DAB2: variants seen among roughly 807,000 people sequenced by gnomAD.
The protein encoded by DAB2 is DAB adaptor protein 2.
A neutral mutation model predicts 71.6 loss-of-function variants in DAB2; 28 were observed. The ratio of observed to expected loss-of-function variants is 0.39; its 90% CI spans 0.29 to 0.54. DAB2 has a LOEUF of 0.54. Ranked by LOEUF, DAB2 falls within the 20% of genes least tolerant of loss-of-function variation. The probability of loss-of-function intolerance (pLI) is 0.68; values close to 1 mark genes in which losing one functional copy is unlikely to be tolerated. For synonymous variants in DAB2, 345 were observed against 339.7 expected (o/e 1.02, Z -0.17); for missense variants, 867 against 928.8 (o/e 0.93, Z 0.86).
intron 1 of DAB2, among the ~76,000 whole-genome samples, chr5:39,421,406 G>A (rs1006826903): frequency 2.4e-4 from 36 of 152,138 alleles, no homozygotes; most frequent in Non-Finnish European, 1.5e-5. Context: ...CCTGGGGTAG[G>A]TACTATTATT....
At chr5:39,416,093 C>T (rs745550662) in intron 1 of DAB2, among the ~76,000 whole-genome samples, 1 of 151,906 alleles carries the variant, frequency 6.6e-6, no homozygotes, top group Non-Finnish European at 1.5e-5. Context: ...CATTTTTCCT[C>T]AACCTTGCCT....
intron 1 of DAB2, among the ~76,000 whole-genome samples, chr5:39,398,087 T>C (rs1755409618): frequency 6.6e-6 from 1 of 152,218 alleles, no homozygotes; most frequent in Non-Finnish European, 1.5e-5. Flanking sequence ...TGAAGCCGGA[T>C]ATCATACTTC....
intron 9 of DAB2, among the ~76,000 whole-genome samples, chr5:39,383,889 G>T (rs1755037355): frequency 6.6e-6 from 1 of 152,136 alleles, no homozygotes; most frequent in African/African-American, 2.4e-5. Context: ...TGGGAGAGAG[G>T]CTTTTCTTTT....
At chr5:39,377,915 A>G (rs1166925767) in intron 11 of DAB2, among the ~76,000 whole-genome samples, 1 of 152,254 alleles carries the variant, frequency 6.6e-6, no homozygotes, top group African/African-American at 2.4e-5. Context: ...GGGAAGATAA[A>G]GTTTGGCCAA....
At position 39,422,995 on chromosome 5, in the gene DAB2, G is replaced by C. The variant is rs1170992374; in HGVS notation, c.-102+1809C>G. 6.6e-6 allele frequency among the ~76,000 whole-genome samples: 1 copy of C among 152,120 alleles called. No homozygotes were observed. Among genetic ancestry groups the C allele is most frequent in the Non-Finnish European group, 1.5e-5 (1 of 68,016 alleles). On this transcript the variant is annotated intron_variant, in intron 1 of 14. Transcript: ENST00000320816. This position sits in a 1 kb window ranked among gnomAD's most constrained non-coding sequence, Gnocchi z 4.1. ...TCCTCAGGTAAAGATCAACCATCAA[G>C]ATCAAAGATCCCCAGAATGGCAAAT...
Position 39,381,442 on chromosome 5 carries a change from C to T in DAB2, c.1504+12G>A, listed in dbSNP as rs769791736. On this transcript the variant is annotated intron_variant, in intron 11 of 14. Transcript: ENST00000320816. ...AAAAGAGTCATACTTAATTTTATCTCTAGGCACCTACCTAGACCCACCAGG... is the reference window on the plus strand; with the variant it reads ...AAAAGAGTCATACTTAATTTTATCTTTAGGCACCTACCTAGACCCACCAGG... The T allele has an allele frequency of 6.2e-7, 1 of 1,609,550 alleles. No homozygotes were observed. The highest frequency in any genetic ancestry group is 1.7e-5 in the Admixed American group (1 of 59,014).
At chr5:39,409,187 T>C (rs1425713830) in intron 1 of DAB2, among the ~76,000 whole-genome samples, 1 of 152,038 alleles carries the variant, frequency 6.6e-6, no homozygotes, top group Non-Finnish European at 1.5e-5. Context: ...TGAACAAAAT[T>C]GGCAGAAATG....
chr5:39,404,822 A>G (rs1282067212), intron 1 of DAB2, among the ~76,000 whole-genome samples: 2 of 151,852 alleles, frequency 1.3e-5, no homozygotes, highest in Non-Finnish European at 2.9e-5. Flanking sequence ...TAGGCAATCC[A>G]CCCGCCTCGG....
rs562827968 is a variant in DAB2, at chr5:39,394,361, T to G, written c.-41A>C. 3 of 1,449,442 alleles carry G rather than the reference T, an allele frequency of 2.1e-6. No individual in the cohort carries two copies. Among genetic ancestry groups the G allele is most frequent in the Non-Finnish European group, 2.9e-6 (3 of 1,030,270 alleles). 89.8% of individuals were successfully genotyped at this position (1,449,442 alleles called of 1,614,324 possible). The stretch of plus-strand genomic sequence containing the variant: ...AGCAAACCTCAGTACCAGTGGACAC[T>G]TGGTGACACCAGGCGATCCCGATGG... On this transcript the variant is annotated 5_prime_UTR_variant, in exon 2 of 15. Transcript: ENST00000320816.
intron 1 of DAB2, among the ~76,000 whole-genome samples, chr5:39,397,654 T>A (rs957743909): frequency 2.6e-5 from 4 of 152,150 alleles, no homozygotes; most frequent in Admixed American, 6.5e-5. Flanking sequence ...TGGACTGAAC[T>A]CCAACTGACA....
chr5:39,409,392 T>C (rs1477690254), intron 1 of DAB2, among the ~76,000 whole-genome samples: 3 of 152,218 alleles, frequency 2.0e-5, no homozygotes, highest in East Asian at 3.9e-4. Flanking sequence ...AGCATTTACA[T>C]TGAACAACAA....
intron 4 of DAB2, among the ~76,000 whole-genome samples, chr5:39,391,338 A>T (rs1755222904): frequency 1.3e-5 from 2 of 152,176 alleles, no homozygotes; most frequent in South Asian, 4.1e-4. Flanking sequence ...AATGTCTAAG[A>T]TATCTTAGAG....
intron 1 of DAB2, among the ~76,000 whole-genome samples, chr5:39,412,718 A>G (rs1388551377): frequency 2.0e-5 from 3 of 152,190 alleles, no homozygotes; most frequent in Non-Finnish European, 4.4e-5. Context: ...TGATGCTAAG[A>G]CATTATCATT....
In DAB2 at chr5:39,388,363, A is replaced by T. The variant is rs140161347; in HGVS notation, c.629T>A (p.Val210Asp). 3.6e-4 allele frequency: 579 copies of T among 1,608,882 alleles called. No individual in the cohort carries two copies. Among genetic ancestry groups the T allele is most frequent in the Non-Finnish European group, 4.8e-4 (560 of 1,175,722 alleles). ...GTCCCCAAACAAATCCATCTGGTCA[A>T]CACCCTTAAAAAAGTATTTGGATTA... ...DDQTNKLKSG[V>D]DQMDLFGDMS... Residue 210 changes from valine (V) to aspartate (D), a missense_variant, in exon 9 of 15, where the codon GTT becomes GAT. Val to Asp is a radical substitution (Grantham distance 152). Coordinates refer to ENST00000320816, the MANE Select transcript of DAB2 (RefSeq NM_001343.4).
intron 3 of DAB2, 125 bp from the exon 4 acceptor site, chr5:39,392,588 C>A (rs1755260378): frequency 4.4e-6 from 3 of 679,546 alleles, no homozygotes; most frequent in African/African-American, 3.6e-5. Context: ...TGAGAGGATT[C>A]GGCACTTTTC....
intron 1 of DAB2, among the ~76,000 whole-genome samples, chr5:39,423,068 C>T (rs1026554796): frequency 3.3e-5 from 5 of 152,144 alleles, no homozygotes; most frequent in African/African-American, 1.2e-4. Context: ...CTACCATCTA[C>T]TTATTCTGGT....
intron 1 of DAB2, among the ~76,000 whole-genome samples, chr5:39,410,751 G>T (rs1181235356): frequency 4.6e-5 from 7 of 151,248 alleles, no homozygotes; most frequent in Non-Finnish European, 8.8e-5. Context: ...CTCCTTCCAT[G>T]TTAAATGAGT....
chr5:39,398,578 A>G (rs539065953), intron 1 of DAB2, among the ~76,000 whole-genome samples: 4 of 152,300 alleles, frequency 2.6e-5, no homozygotes, highest in Non-Finnish European at 5.9e-5. Flanking sequence ...AGCCAAGGGT[A>G]AGTCTCCATT....
chr5:39,373,296 A>T lies in DAB2; in HGVS notation c.*135T>A, dbSNP rs1231169083. 1 of 152,500 alleles carries T rather than the reference A, an allele frequency of 6.6e-6. No homozygotes were observed. The highest frequency in any genetic ancestry group is 1.5e-5 in the Non-Finnish European group (1 of 68,038). The allele number at this position is 152,500 out of a possible 1,614,324, so 9.4% of individuals were successfully genotyped here. ...TTTTACAAGTAGAAGAGGCAATGAG[A>T]AATAAGGCAACAGATAATACGTCAA... On this transcript the variant is annotated 3_prime_UTR_variant, in exon 15 of 15. Coordinates refer to ENST00000320816, the MANE Select transcript of DAB2 (RefSeq NM_001343.4).
Sources: allele counts gnomAD v4.1 joint callset (sites outside exome capture counted in the v4.1 genomes callset), GRCh38; gene constraint gnomAD v4.1.1; non-coding constraint Gnocchi (gnomAD v3.1); transcripts MANE v1.5; gene names NCBI Gene and HGNC (gene_info 2026-07-23, HGNC 2026-07-21).